The following XIRP2 variants were observed in gnomAD, a reference collection of about 807,000 sequenced individuals.
The protein encoded by XIRP2 is xin actin binding repeat containing 2, also known as xin actin-binding repeat-containing protein 2.
XIRP2 carries 236 observed loss-of-function variants against 277.0 expected under a neutral mutation model. That is an observed-to-expected ratio of 0.85 (90% CI 0.77 to 0.95). XIRP2 has a LOEUF of 0.95. XIRP2 is among the 40% of genes least tolerant of loss of function. The probability of loss-of-function intolerance (pLI) is 0.00; values close to 1 mark genes in which losing one functional copy is unlikely to be tolerated. For synonymous variants in XIRP2, 1,490 were observed against 1,416.5 expected (o/e 1.05, Z -1.17); for missense variants, 4,640 against 4,157.5 (o/e 1.12, Z -3.19).
Position 167,217,630 on chromosome 2 carries a change from T to C in XIRP2, c.724-536T>C, listed in dbSNP as rs994094248. ...ATGACATATTCTGTCATTTAATACA[T>C]ACAAAATCACATAAGTAGTCTCATT... is the stretch of plus-strand genomic sequence containing the variant. On this transcript the variant is annotated intron_variant, in intron 4 of 10. Coordinates refer to ENST00000409195, the MANE Select transcript of XIRP2 (RefSeq NM_152381.6). Among the ~76,000 whole-genome samples, 4 of 152,334 alleles carry C rather than the reference T, an allele frequency of 2.6e-5. No homozygotes were observed. In the South Asian group the frequency reaches 6.2e-4, roughly 24 times the overall value.
At chr2:167,013,613 A>G (rs1303895654) in intron 2 of XIRP2, among the ~76,000 whole-genome samples, 1 of 151,626 alleles carries the variant, frequency 6.6e-6, no homozygotes, top group Non-Finnish European at 1.5e-5. Flanking sequence ...TGTGAAATAT[A>G]AATGAATGTA....
intron 3 of XIRP2, among the ~76,000 whole-genome samples, chr2:167,178,667 T>C: frequency 6.6e-6 from 1 of 152,206 alleles, no homozygotes; most frequent in East Asian, 1.9e-4. Context: ...TTTTTTCTTT[T>C]TGTATTTATT....
intron 2 of XIRP2, among the ~76,000 whole-genome samples, chr2:167,016,896 G>A (rs1261321148): frequency 6.6e-6 from 1 of 151,894 alleles, no homozygotes; most frequent in African/African-American, 2.4e-5. Context: ...TGAGAAAAAA[G>A]AACTTAGTTC....
intron 2 of XIRP2, among the ~76,000 whole-genome samples, chr2:166,908,514 A>G (rs550822464): frequency 2.0e-5 from 3 of 152,192 alleles, no homozygotes; most frequent in South Asian, 4.1e-4. Context: ...TCTGGATATT[A>G]GCCCTTTGTC....
At chr2:166,907,099 C>T (rs1302015565) in intron 2 of XIRP2, among the ~76,000 whole-genome samples, 1 of 152,024 alleles carries the variant, frequency 6.6e-6, no homozygotes, top group African/African-American at 2.4e-5. Flanking sequence ...CCAAAATGAA[C>T]ACAACCTATT....
intron 2 of XIRP2, among the ~76,000 whole-genome samples, chr2:166,937,072 G>A (rs560412315): frequency 1.3e-5 from 2 of 151,482 alleles, no homozygotes. Context: ...ATTTGTTTGT[G>A]TCCTGTTTTA....
chr2:167,191,819 C>T (rs1447050753), intron 3 of XIRP2, among the ~76,000 whole-genome samples: 2 of 152,042 alleles, frequency 1.3e-5, no homozygotes, highest in African/African-American at 4.8e-5. Context: ...GCCTGGTGAA[C>T]CTAATGCCTT....
At chr2:166,898,678 A>G (rs985340077) in intron 1 of XIRP2, among the ~76,000 whole-genome samples, 1 of 152,042 alleles carries the variant, frequency 6.6e-6, no homozygotes, top group Non-Finnish European at 1.5e-5. Flanking sequence ...CTTATCACCT[A>G]TGCAGATTCC....
rs773014210 is a variant in XIRP2, at chr2:167,251,804, A to C, written c.10412A>C (p.Asp3471Ala). 1 of 1,613,280 alleles carries C rather than the reference A, an allele frequency of 6.2e-7. No individual in the cohort carries two copies. The highest frequency in any genetic ancestry group is 1.3e-5 in the African/African-American group (1 of 74,838). Residue 3471 changes from aspartate (D) to alanine (A), a missense_variant, in exon 9 of 11, where the codon GAT (aspartate) becomes GCT (alanine). Coordinates refer to ENST00000409195, the MANE Select transcript of XIRP2 (RefSeq NM_152381.6). Reference protein sequence around the residue: ...VIAGHILDISDSPKEVRKNFQ... With the variant: ...VIAGHILDISASPKEVRKNFQ... ...GCTGGACATATTTTAGATATCTCTG[A>C]TTCACCTAAAGAAGTAAGAAAAAAT...
chr2:167,171,473 C>T (rs1692688096), intron 3 of XIRP2, among the ~76,000 whole-genome samples: 1 of 151,888 alleles, frequency 6.6e-6, no homozygotes. Context: ...TACTAGTTTG[C>T]TATATATATA....
intron 3 of XIRP2, among the ~76,000 whole-genome samples, chr2:167,203,034 A>T (rs1388636136): frequency 1.3e-5 from 2 of 151,870 alleles, no homozygotes; most frequent in Non-Finnish European, 2.9e-5. Flanking sequence ...AATGCTCCTG[A>T]CTCCCTCTTT....
At chr2:166,978,559 G>A (rs903333488) in intron 2 of XIRP2, among the ~76,000 whole-genome samples, 1 of 152,132 alleles carries the variant, frequency 6.6e-6, no homozygotes, top group Admixed American at 6.5e-5. Context: ...GCAATGGGTA[G>A]CAGTTTGTGT....
intron 2 of XIRP2, among the ~76,000 whole-genome samples, chr2:167,077,623 G>C (rs1205098231): frequency 6.6e-6 from 1 of 152,180 alleles, no homozygotes; most frequent in African/African-American, 2.4e-5. Flanking sequence ...TCTGAGTAAA[G>C]AGCTGAAAGT....
At chr2:167,128,771 A>G (rs182279936) in intron 2 of XIRP2, among the ~76,000 whole-genome samples, 1 of 152,154 alleles carries the variant, frequency 6.6e-6, no homozygotes, top group Admixed American at 6.5e-5. Flanking sequence ...GGACACCTAC[A>G]TTTCTTTATT....
chr2:166,994,595 T>C (rs1238320839), intron 2 of XIRP2, among the ~76,000 whole-genome samples: 1 of 138,316 alleles, frequency 7.2e-6, no homozygotes, highest in Non-Finnish European at 1.5e-5. Context: ...TACAATATGG[T>C]AGGACAGCAA....
chr2:166,964,666 G>C (rs897437303), intron 2 of XIRP2, among the ~76,000 whole-genome samples: 1 of 151,774 alleles, frequency 6.6e-6, no homozygotes, highest in Non-Finnish European at 1.5e-5. Flanking sequence ...AACCAACTGG[G>C]CAATGTGAAT....
At position 166,903,700 on chromosome 2, in the gene XIRP2, C is replaced by T. The variant is rs569003317; in HGVS notation, c.218C>T (p.Ser73Leu). Reference protein sequence around the residue: ...PYSTGEEMWSSKPEEKDSVDK... With the variant: ...PYSTGEEMWSLKPEEKDSVDK... ...AGTACAGGGGAAGAGATGTGGAGTT[C>T]GAAGCCGGAAGAGAAGGATTCTGTG... Residue 73 changes from serine (S) to leucine (L), a missense_variant, in exon 2 of 11, where the codon TCG becomes TTG. Physicochemically the swap from Ser to Leu is moderately radical, Grantham distance 145. Transcript: ENST00000409195. 17 of 1,613,382 alleles carry T rather than the reference C, an allele frequency of 1.1e-5. No individual in the cohort carries two copies. The highest frequency in any genetic ancestry group is 3.3e-5 in the South Asian group (3 of 91,070).
At chr2:167,135,839 C>T (rs949541664) in intron 2 of XIRP2, 70 bp from the exon 3 acceptor site, 27 of 1,366,218 alleles carry the variant, frequency 2.0e-5, no homozygotes, top group Non-Finnish European at 2.4e-5. Context: ...TGCCTTCTAA[C>T]CCCCCTAAAA....
At chr2:166,925,895 C>A (rs971861845) in intron 2 of XIRP2, among the ~76,000 whole-genome samples, 1 of 151,520 alleles carries the variant, frequency 6.6e-6, no homozygotes, top group Non-Finnish European at 1.5e-5. Flanking sequence ...AACAGGAAGA[C>A]CCCATCTCTA....
Sources: gnomAD v4.1 joint callset for allele counts (sites outside exome capture counted in the v4.1 genomes callset) on GRCh38, gnomAD v4.1.1 for gene constraint, MANE v1.5 for transcripts, NCBI Gene and HGNC (gene_info 2026-07-23, HGNC 2026-07-21) for gene names.